The following SETBP1 variants were observed in gnomAD, a reference collection of about 807,000 sequenced individuals.
SETBP1 encodes SET binding protein 1.
In SETBP1, 9 loss-of-function variants were observed where a neutral mutation model predicts 101.0. The observed-to-expected ratio is 0.09, with a 90% CI of 0.05 to 0.16. SETBP1 has a LOEUF of 0.16. Among genes scored for constraint, SETBP1 ranks in the 10% least tolerant of loss-of-function variants. The pLI, the probability that SETBP1 is intolerant of heterozygous loss-of-function variation, is 1.00. For missense variants in SETBP1, 1,858 were observed against 2,033.8 expected, an observed-to-expected ratio of 0.91 and a Z score of 1.66; for synonymous variants, 818 against 788.5, an observed-to-expected ratio of 1.04 and a Z score of -0.63.
chr18:44,931,761 C>G (rs60712476), intron 3 of SETBP1, among the ~76,000 whole-genome samples: 6,427 of 152,182 alleles, frequency 0.042, 415 homozygotes, highest in African/African-American at 0.14. Flanking sequence ...AGGATTGCAA[C>G]CCCTGCTTTT....
intron 4 of SETBP1, among the ~76,000 whole-genome samples, chr18:44,981,514 T>G (rs1489427575): frequency 6.6e-6 from 1 of 152,244 alleles, no homozygotes; most frequent in East Asian, 1.9e-4. Context: ...ACTTGACACC[T>G]TTGTCAATAA....
chr18:44,684,710 G>A (rs1009473866), intron 1 of SETBP1, among the ~76,000 whole-genome samples: 5 of 151,746 alleles, frequency 3.3e-5, no homozygotes, highest in Non-Finnish European at 7.4e-5. Context: ...GCAGTGGCGT[G>A]ATCTTGGCTC....
chr18:44,718,219 T>C (rs74809731), intron 2 of SETBP1, among the ~76,000 whole-genome samples: 1,689 of 152,206 alleles, frequency 0.011, 47 homozygotes, highest in East Asian at 0.077. Context: ...TTGAAAGTGA[T>C]GGATGCCACA....
At position 44,963,885 on chromosome 18, in the gene SETBP1, G is replaced by C. The variant is rs556459840; in HGVS notation, c.4000+10545G>C. ...ACTGAACTCCAGCCTGGGTAACAGA[G>C]CAAGACCCCATCTCAAAAAAAAAAA... On this transcript the variant is annotated intron_variant, in intron 4 of 5. Transcript: ENST00000649279. Among the ~76,000 whole-genome samples, 4 of 83,162 alleles carry C rather than the reference G, an allele frequency of 4.8e-5. No individual in the cohort carries two copies. In the South Asian group the frequency reaches 1.8e-3, roughly 38 times the overall value. 54.6% of individuals were successfully genotyped at this position (83,162 alleles called of 152,430 possible).
chr18:44,841,025 T>G (rs1315173199), intron 2 of SETBP1, among the ~76,000 whole-genome samples: 1 of 152,258 alleles, frequency 6.6e-6, no homozygotes, highest in Non-Finnish European at 1.5e-5. Context: ...AGCTATCTAT[T>G]GCTGCATTAA....
chr18:44,875,389 G>A (rs536794688), intron 3 of SETBP1, among the ~76,000 whole-genome samples: 49 of 152,008 alleles, frequency 3.2e-4, no homozygotes, highest in Admixed American at 2.8e-3. Flanking sequence ...GTGGTGCTGC[G>A]TGCCTGTAGT....
At chr18:44,741,781 G>T (rs2070103199) in intron 2 of SETBP1, among the ~76,000 whole-genome samples, 1 of 152,088 alleles carries the variant, frequency 6.6e-6, no homozygotes, top group South Asian at 2.1e-4. Context: ...TTGGAATCCG[G>T]TGCCTGCCAA....
intron 4 of SETBP1, among the ~76,000 whole-genome samples, chr18:44,982,763 T>C (rs1454093729): frequency 1.3e-5 from 2 of 152,220 alleles, no homozygotes; most frequent in African/African-American, 4.8e-5. Flanking sequence ...CCTTTTTGAC[T>C]TCTACATTTA....
intron 3 of SETBP1, among the ~76,000 whole-genome samples, chr18:44,941,497 GT>G (rs1170034597): frequency 6.6e-6 from 1 of 152,112 alleles, no homozygotes; most frequent in Admixed American, 6.5e-5. Context: ...TTTCATGGGT[GT>G]TTTTATTCTG....
At chr18:45,031,495 C>A (rs903029197) in intron 4 of SETBP1, among the ~76,000 whole-genome samples, 1 of 152,138 alleles carries the variant, frequency 6.6e-6, no homozygotes, top group African/African-American at 2.4e-5. Context: ...GTAAGACCAG[C>A]AGTCTCACTC....
intron 3 of SETBP1, among the ~76,000 whole-genome samples, chr18:44,930,661 T>C (rs2070810880): frequency 6.6e-6 from 1 of 152,204 alleles, no homozygotes; most frequent in Non-Finnish European, 1.5e-5. Flanking sequence ...TAGTTTAGTC[T>C]TGGGAGGGTG....
intron 3 of SETBP1, chr18:44,876,775 C>A: frequency 6.7e-7 from 1 of 1,490,446 alleles, no homozygotes; most frequent in Non-Finnish European, 9.0e-7. Context: ...TTCTGCAAAG[C>A]CCACACCTGT....
intron 3 of SETBP1, chr18:44,877,333 T>A: frequency 1.1e-6 from 1 of 877,544 alleles, no homozygotes; most frequent in Non-Finnish European, 1.4e-6. Flanking sequence ...ATCTGGTCCT[T>A]CATCAAAGAT....
In SETBP1 at chr18:44,950,000, G is replaced by A. The variant is rs774764842; in HGVS notation, c.660G>A (p.Met220Ile). Residue 220 changes from methionine (M) to isoleucine (I), a missense_variant, in exon 4 of 6, where the codon ATG (methionine) becomes ATA (isoleucine). This residue lies in a region of SETBP1 where 581 missense variants were observed against 535.1 expected (regional missense o/e 1.09). Coordinates refer to ENST00000649279, the MANE Select transcript of SETBP1 (RefSeq NM_015559.3). Reference protein sequence around the residue: ...HQQKSSSQNHMDWSTNSDSGP... With the variant: ...HQQKSSSQNHIDWSTNSDSGP... ...AAAAAAGCAGCAGCCAGAACCACAT[G>A]GACTGGTCCACCAACTCTGACAGCG... 3 of 1,614,002 alleles carry A rather than the reference G, an allele frequency of 1.9e-6. No individual in the cohort carries two copies. Among genetic ancestry groups the A allele is most frequent in the African/African-American group, 1.3e-5 (1 of 74,932 alleles).
intron 2 of SETBP1, among the ~76,000 whole-genome samples, chr18:44,794,461 C>T (rs966449902): frequency 6.6e-6 from 1 of 152,028 alleles, no homozygotes; most frequent in Non-Finnish European, 1.5e-5. Context: ...AAGATATGGT[C>T]GTGTACAAAA....
intron 2 of SETBP1, among the ~76,000 whole-genome samples, chr18:44,733,741 C>T (rs962858621): frequency 9.2e-5 from 14 of 152,158 alleles, no homozygotes; most frequent in South Asian, 4.1e-4. Context: ...TTGAATTGCA[C>T]GGTGTCCCTG....
chr18:45,051,572 C>A (rs890692092), intron 5 of SETBP1, among the ~76,000 whole-genome samples: 1 of 152,186 alleles, frequency 6.6e-6, no homozygotes, highest in Non-Finnish European at 1.5e-5. Flanking sequence ...TCTAAAACTG[C>A]TCTAAAAAAG....
intron 3 of SETBP1, among the ~76,000 whole-genome samples, chr18:44,904,235 G>C (rs1252987999): frequency 6.6e-6 from 1 of 152,184 alleles, no homozygotes; most frequent in African/African-American, 2.4e-5. Context: ...TTACTCCTCT[G>C]TGACTAACTT....
At chr18:45,058,386 A>G (rs550188338) in intron 5 of SETBP1, among the ~76,000 whole-genome samples, 1 of 152,344 alleles carries the variant, frequency 6.6e-6, no homozygotes, top group African/African-American at 2.4e-5. Context: ...CCCCACACTA[A>G]GATTTTAGAA....
Sources: gnomAD v4.1 joint callset for allele counts (sites outside exome capture counted in the v4.1 genomes callset) on GRCh38, gnomAD v4.1.1 for gene constraint, gnomAD v4.1.1 regional missense constraint, MANE v1.5 for transcripts, NCBI Gene and HGNC (gene_info 2026-07-23, HGNC 2026-07-21) for gene names.